BCKDHB: variants seen among roughly 807,000 people sequenced by gnomAD.
BCKDHB encodes the protein branched chain keto acid dehydrogenase E1 subunit beta, also known as 2-oxoisovalerate dehydrogenase subunit beta, mitochondrial.
A neutral mutation model predicts 48.5 loss-of-function variants in BCKDHB; 41 were observed. The ratio of observed to expected loss-of-function variants is 0.85; its 90% CI spans 0.66 to 1.10. The LOEUF (loss-of-function observed/expected upper bound fraction) is 1.10, where lower values mean the gene tolerates loss of function less well. Ranked by LOEUF, BCKDHB falls within the 50% of genes least tolerant of loss-of-function variation. BCKDHB has a pLI of 0.00. For missense variants in BCKDHB, 496 were observed against 494.2 expected (o/e 1.00, Z -0.03); for synonymous variants, 201 against 174.8 (o/e 1.15, Z -1.18).
intron 9 of BCKDHB, among the ~76,000 whole-genome samples, chr6:80,332,555 A>G (rs1260808842): frequency 6.6e-6 from 1 of 152,110 alleles, no homozygotes; most frequent in Non-Finnish European, 1.5e-5. Context: ...ATGTTTATGT[A>G]AAATATTTTC....
chr6:80,138,648 A>G (rs1429142138), intron 3 of BCKDHB, among the ~76,000 whole-genome samples: 3 of 152,150 alleles, frequency 2.0e-5, no homozygotes, highest in Non-Finnish European at 4.4e-5. Context: ...GCTGCATAGT[A>G]TTCCTTGGTG....
chr6:80,413,334 C>T, the BCKDHB span, among the ~76,000 whole-genome samples: 1 of 152,060 alleles, frequency 6.6e-6, no homozygotes, highest in Non-Finnish European at 1.5e-5. Context: ...CATACATGTG[C>T]AGGTTTGTTA....
intron 9 of BCKDHB, among the ~76,000 whole-genome samples, chr6:80,316,014 A>G (rs971254052): frequency 3.9e-5 from 6 of 152,354 alleles, no homozygotes; most frequent in Non-Finnish European, 7.3e-5. Flanking sequence ...CCTTTTAAAA[A>G]GTGAAAATAT....
At chr6:80,327,448 A>G (rs1375741347) in intron 9 of BCKDHB, among the ~76,000 whole-genome samples, 2 of 152,178 alleles carry the variant, frequency 1.3e-5, no homozygotes, top group Admixed American at 1.3e-4. Flanking sequence ...TGGGGACTGT[A>G]TTAGTTCATT....
the BCKDHB span, among the ~76,000 whole-genome samples, chr6:80,355,099 T>C: frequency 0.07 from 10,726 of 152,150 alleles, 555 homozygotes; most frequent in South Asian, 0.25. Context: ...AGCAGTATGA[T>C]TATGTTAATG....
chr6:80,442,834 A>G, the BCKDHB span, among the ~76,000 whole-genome samples: 1 of 152,214 alleles, frequency 6.6e-6, no homozygotes, highest in Non-Finnish European at 1.5e-5. Context: ...ATTGAGTGGT[A>G]GATCCATATT....
chr6:80,312,663 C>T (rs193284924), intron 9 of BCKDHB, among the ~76,000 whole-genome samples: 2 of 152,214 alleles, frequency 1.3e-5, no homozygotes, highest in Non-Finnish European at 2.9e-5. Flanking sequence ...TTATTGAAGG[C>T]TTTTTCTGAA....
chr6:80,201,945 TGGA>T (rs1488726273), intron 7 of BCKDHB, among the ~76,000 whole-genome samples: 2 of 152,172 alleles, frequency 1.3e-5, no homozygotes, highest in Non-Finnish European at 2.9e-5. Flanking sequence ...ATTTTTGGCA[TGGA>T]GAGCTAGAGT....
downstream of BCKDHB, among the ~76,000 whole-genome samples, chr6:80,348,743 T>C (rs1044896443): frequency 4.6e-5 from 7 of 152,166 alleles, no homozygotes; most frequent in African/African-American, 1.7e-4. Flanking sequence ...GCCTGATGGA[T>C]GAGGAACATG....
chr6:80,401,565 A>C, the BCKDHB span, among the ~76,000 whole-genome samples: 2 of 151,744 alleles, frequency 1.3e-5, no homozygotes, highest in African/African-American at 4.8e-5. Flanking sequence ...TTTTTTATGT[A>C]TATAAAGTAC....
intron 8 of BCKDHB, among the ~76,000 whole-genome samples, chr6:80,230,093 C>T (rs1354654511): frequency 8.9e-6 from 1 of 111,974 alleles, no homozygotes; most frequent in Non-Finnish European, 1.6e-5. Context: ...AGCTGGACTG[C>T]AGTGGCGCTA....
At chr6:80,396,533 G>A in the BCKDHB span, among the ~76,000 whole-genome samples, 1 of 148,288 alleles carries the variant, frequency 6.7e-6, no homozygotes, top group African/African-American at 2.6e-5. Context: ...AGATTTGGGA[G>A]GGATTGGGGT....
intron 8 of BCKDHB, 116 bp from the exon 9 acceptor site, chr6:80,273,019 A>G (rs1777815882): frequency 1.2e-6 from 1 of 809,360 alleles, no homozygotes; most frequent in Non-Finnish European, 2.0e-6. Flanking sequence ...TGAATTACTG[A>G]TTTTTACACT....
chr6:80,181,477 G>A (rs777997918), intron 6 of BCKDHB, among the ~76,000 whole-genome samples: 1 of 152,168 alleles, frequency 6.6e-6, no homozygotes, highest in African/African-American at 2.4e-5. Context: ...CTCATCTGCA[G>A]GTCAGCATTT....
At chr6:80,351,883 G>A in the BCKDHB span, among the ~76,000 whole-genome samples, 10 of 148,508 alleles carry the variant, frequency 6.7e-5, no homozygotes, top group Middle Eastern at 3.6e-3. Context: ...GTGCAATGGC[G>A]CGATCTCAGC....
chr6:80,197,368 G>T (rs1774179323), intron 6 of BCKDHB, among the ~76,000 whole-genome samples: 1 of 151,276 alleles, frequency 6.6e-6, no homozygotes, highest in East Asian at 1.9e-4. Flanking sequence ...GCAAATCTAA[G>T]AGGAGGTTTT....
chr6:80,275,369 T>C (rs903919397), intron 9 of BCKDHB, among the ~76,000 whole-genome samples: 3 of 152,094 alleles, frequency 2.0e-5, no homozygotes, highest in Non-Finnish European at 4.4e-5. Flanking sequence ...GGACCCGTTA[T>C]ACAATGTTCT....
the BCKDHB span, among the ~76,000 whole-genome samples, chr6:80,429,942 C>T: frequency 2.0e-5 from 3 of 152,266 alleles, no homozygotes; most frequent in Non-Finnish European, 2.9e-5. Context: ...TGTCTCGTGC[C>T]GGTTTTCAAA....
At chr6:80,422,576 G>A in the BCKDHB span, among the ~76,000 whole-genome samples, 1 of 152,242 alleles carries the variant, frequency 6.6e-6, no homozygotes, top group South Asian at 2.1e-4. Context: ...AGCATCTGTG[G>A]GGTCTGCAGA....
Sources: gnomAD v4.1 joint callset for allele counts (sites outside exome capture counted in the v4.1 genomes callset) on GRCh38, gnomAD v4.1.1 for gene constraint, MANE v1.5 for transcripts, NCBI Gene and HGNC (gene_info 2026-07-23, HGNC 2026-07-21) for gene names.